The following MARCHF5 variants were observed in gnomAD, a reference collection of about 807,000 sequenced individuals.
MARCHF5 encodes the protein E3 ubiquitin-protein ligase MARCHF5.
Under a neutral mutation model 36.5 loss-of-function variants are expected in MARCHF5, and 5 were observed. The ratio of observed to expected loss-of-function variants is 0.14; its 90% CI spans 0.07 to 0.29. MARCHF5 has a LOEUF of 0.29. Ranked by LOEUF, MARCHF5 falls within the 10% of genes least tolerant of loss-of-function variation. The probability of loss-of-function intolerance (pLI) is 1.00; values close to 1 mark genes in which losing one functional copy is unlikely to be tolerated. For synonymous variants in MARCHF5, 103 were observed against 109.9 expected (o/e 0.94, Z 0.39); for missense variants, 179 against 336.3 (o/e 0.53, Z 3.66).
chr10:92,312,931 G>C (rs1468859688), intron 2 of MARCHF5, among the ~76,000 whole-genome samples: 2 of 152,202 alleles, frequency 1.3e-5, no homozygotes, highest in African/African-American at 2.4e-5. Context: ...AGTCTACCTA[G>C]TTGTTAGAAA....
intron 2 of MARCHF5, among the ~76,000 whole-genome samples, chr10:92,328,821 A>ATATATATATATATATTTT (rs372130854): frequency 2.9e-4 from 36 of 122,408 alleles, no homozygotes; most frequent in African/African-American, 1.0e-3. Flanking sequence ...ATATATATAT[A>ATATATATATATATATTTT]TTTTTTTTTT....
intron 2 of MARCHF5, among the ~76,000 whole-genome samples, chr10:92,322,300 C>A (rs946977943): frequency 1.6e-5 from 2 of 124,706 alleles, no homozygotes; most frequent in African/African-American, 5.8e-5. Context: ...TCTTTCTATT[C>A]TTGCATTCTC....
At chr10:92,316,859 C>T (rs545291328) in intron 2 of MARCHF5, among the ~76,000 whole-genome samples, 6 of 152,270 alleles carry the variant, frequency 3.9e-5, no homozygotes, top group Admixed American at 3.3e-4. Flanking sequence ...AACCACCACA[C>T]CCAGCTGAAA....
chr10:92,318,418 C>A (rs1282137092), intron 2 of MARCHF5, among the ~76,000 whole-genome samples: 1 of 114,724 alleles, frequency 8.7e-6, no homozygotes, highest in Admixed American at 9.7e-5. Flanking sequence ...TGGAGTGAGA[C>A]CCTGTCTCAA....
At chr10:92,341,730 G>A (rs978010156) in intron 3 of MARCHF5, among the ~76,000 whole-genome samples, 3 of 145,820 alleles carry the variant, frequency 2.1e-5, no homozygotes, top group Non-Finnish European at 4.5e-5. Context: ...TTTATTCTCC[G>A]TCATCGTTCC....
intron 2 of MARCHF5, among the ~76,000 whole-genome samples, chr10:92,313,208 TG>T (rs1416482357): frequency 6.6e-6 from 1 of 152,070 alleles, no homozygotes; most frequent in East Asian, 1.9e-4. Context: ...CACACAAGCC[TG>T]GGCGACAGAG....
At chr10:92,322,244 CAAAAAAAAAA>C (rs56391697) in intron 2 of MARCHF5, among the ~76,000 whole-genome samples, 18 of 27,752 alleles carry the variant, frequency 6.5e-4, no homozygotes, top group African/African-American at 2.0e-3. Flanking sequence ...AACTCCGTCT[CAAAAAAAAAA>C]AAAAAAAAAA....
intron 2 of MARCHF5, among the ~76,000 whole-genome samples, chr10:92,333,092 G>A (rs188352903): frequency 1.1e-4 from 16 of 151,306 alleles, no homozygotes; most frequent in African/African-American, 3.2e-4. Flanking sequence ...CCTGGGAGGC[G>A]GAGGATGCGG....
At chr10:92,325,630 G>A (rs1331206749) in intron 2 of MARCHF5, among the ~76,000 whole-genome samples, 1 of 152,074 alleles carries the variant, frequency 6.6e-6, no homozygotes, top group Non-Finnish European at 1.5e-5. Flanking sequence ...CTCATTAAGA[G>A]TAAATTCTTA....
At chr10:92,293,675 G>A (rs1001634774) in intron 1 of MARCHF5, among the ~76,000 whole-genome samples, 1 of 151,604 alleles carries the variant, frequency 6.6e-6, no homozygotes, top group Non-Finnish European at 1.5e-5. Flanking sequence ...TCCAACTCTC[G>A]GGAGGCTGAG....
intron 1 of MARCHF5, among the ~76,000 whole-genome samples, chr10:92,308,003 C>T (rs1424107779): frequency 3.3e-5 from 5 of 151,062 alleles, no homozygotes; most frequent in African/African-American, 9.7e-5. Flanking sequence ...TGCAGTGGCA[C>T]GATCTCAGCT....
At chr10:92,321,058 A>C (rs972118924) in intron 2 of MARCHF5, among the ~76,000 whole-genome samples, 1 of 152,088 alleles carries the variant, frequency 6.6e-6, no homozygotes, top group African/African-American at 2.4e-5. Context: ...TACAGTATTC[A>C]ATACAGTAAC....
chr10:92,335,033 A>G (rs1843486744), intron 2 of MARCHF5, among the ~76,000 whole-genome samples: 1 of 152,238 alleles, frequency 6.6e-6, no homozygotes, highest in South Asian at 2.1e-4. Context: ...TATTAGAAAC[A>G]TAAGTGTTGA....
chr10:92,349,947 T>A, intron 5 of MARCHF5, 110 bp downstream of exon 5: 1 of 817,906 alleles, frequency 1.2e-6, no homozygotes, highest in Non-Finnish European at 1.9e-6. Context: ...TCCTATGCAT[T>A]AAGCCTCTAT....
intron 2 of MARCHF5, among the ~76,000 whole-genome samples, chr10:92,340,127 G>A (rs1174989604): frequency 1.3e-5 from 2 of 152,106 alleles, no homozygotes; most frequent in African/African-American, 4.8e-5. Flanking sequence ...TTGTTGCCAG[G>A]AATTTGATGG....
chr10:92,342,834 A>G (rs189167607), intron 3 of MARCHF5, among the ~76,000 whole-genome samples: 3 of 152,364 alleles, frequency 2.0e-5, no homozygotes, highest in Admixed American at 2.0e-4. Flanking sequence ...ATTAGAATTT[A>G]CATGAACAAA....
At position 92,331,382 on chromosome 10, in the gene MARCHF5, A is replaced by G. The variant is rs144006873; in HGVS notation, c.239-9291A>G. 8.7e-3 allele frequency among the ~76,000 whole-genome samples: 1,316 copies of G among 152,038 alleles called. 21 individuals carry two copies. The highest frequency in any genetic ancestry group is 0.03 in the African/African-American group (1,228 of 41,348). On this transcript the variant is annotated intron_variant, in intron 2 of 5. Transcript: ENST00000358935. ...AAGATTCATTTATTTAAAAAAACAA[A>G]CAAAACAAACAGCAATTTTTAAAAA...
intron 3 of MARCHF5, among the ~76,000 whole-genome samples, chr10:92,347,532 T>TATAGATAGATAG (rs71025397): frequency 1.7e-5 from 2 of 119,866 alleles, no homozygotes; most frequent in African/African-American, 7.0e-5. Flanking sequence ...ATGATAGATA[T>TATAGATAGATAG]ATAGATAGAT....
At chr10:92,304,264 A>G (rs1463472240) in intron 1 of MARCHF5, among the ~76,000 whole-genome samples, 1 of 152,178 alleles carries the variant, frequency 6.6e-6, no homozygotes, top group Non-Finnish European at 1.5e-5. Flanking sequence ...CATCATTGTC[A>G]ATGTTGTTAT....
Sources: gnomAD v4.1 joint callset for allele counts (sites outside exome capture counted in the v4.1 genomes callset) on GRCh38, gnomAD v4.1.1 for gene constraint, MANE v1.5 for transcripts, NCBI Gene and HGNC (gene_info 2026-07-23, HGNC 2026-07-21) for gene names.